The following HEATR5B variants were observed in gnomAD, a reference collection of about 807,000 sequenced individuals.
The protein encoded by HEATR5B is HEAT repeat containing 5B.
HEATR5B carries 156 observed loss-of-function variants against 224.1 expected under a neutral mutation model. The observed-to-expected ratio is 0.70, with a 90% CI of 0.61 to 0.80. The LOEUF (loss-of-function observed/expected upper bound fraction) is 0.80. Among genes scored for constraint, HEATR5B ranks in the 30% least tolerant of loss-of-function variants. HEATR5B has a pLI of 0.00. For synonymous variants in HEATR5B, 1,027 were observed against 893.0 expected (o/e 1.15, Z -2.68); for missense variants, 2,323 against 2,535.5 (o/e 0.92, Z 1.80).
chr2:37,081,178 G>C (rs1672541374), intron 2 of HEATR5B, among the ~76,000 whole-genome samples: 1 of 152,146 alleles, frequency 6.6e-6, no homozygotes, highest in Admixed American at 6.5e-5. Flanking sequence ...GAGGATTTAA[G>C]AGAAAACAGA....
chr2:37,065,811 C>A lies in HEATR5B; in HGVS notation c.1277G>T (p.Ser426Ile), dbSNP rs1671553608. 6.2e-7 allele frequency: 1 copy of A among 1,614,024 alleles called. No individual in the cohort carries two copies. The highest frequency in any genetic ancestry group is 8.5e-7 in the Non-Finnish European group (1 of 1,179,918). The change falls in exon 9 of 36, where the codon AGC (serine) becomes ATC (isoleucine). Residue 426 changes from serine to isoleucine, a missense_variant. Physicochemically the swap from Ser to Ile is moderately radical, Grantham distance 142. Transcript: ENST00000233099. Reference protein sequence around the residue: ...VMVCALQELGSLVQSLNATAS... With the variant: ...VMVCALQELGILVQSLNATAS... ...GGTGGCATTCAAGCTCTGCACCAGG[C>A]TCCCGAGTTCCTGGAGGGCACAGAC... is the stretch of plus-strand genomic sequence containing the variant.
intron 27 of HEATR5B, among the ~76,000 whole-genome samples, chr2:37,013,442 C>T (rs571029205): frequency 1.2e-4 from 19 of 152,302 alleles, no homozygotes; most frequent in African/African-American, 2.6e-4. Context: ...CCCAGCTACG[C>T]GGATGGCTGC....
At position 37,056,559 on chromosome 2, in the gene HEATR5B, A is replaced by T. The variant is rs1670924513; in HGVS notation, c.2280T>A (p.Ile760=). The T allele has an allele frequency of 5.6e-6, 9 of 1,613,334 alleles. No individual in the cohort carries two copies. The highest frequency in any genetic ancestry group is 1.7e-5 in the Admixed American group (1 of 59,918). Residue 760 remains isoleucine (I), a synonymous_variant, in exon 16 of 36, where the codon ATT becomes ATA. Coordinates refer to ENST00000233099, the MANE Select transcript of HEATR5B (RefSeq NM_019024.3). ...SGALEHDPSS[I]YLRIPAGEAV... is the part of the protein sequence containing the mutation. ...CTTCTCCAGCAGGTATGCGTAAATA[A>T]ATAGAGGAAGGATCATGCTCCAGAG...
intron 35 of HEATR5B, among the ~76,000 whole-genome samples, chr2:36,986,004 C>G (rs892981015): frequency 2.6e-5 from 4 of 152,074 alleles, no homozygotes; most frequent in Admixed American, 1.3e-4. Flanking sequence ...CCTTCCCTAT[C>G]TGTCCTCATG....
chr2:37,025,696 A>C (rs1249261431), intron 24 of HEATR5B, among the ~76,000 whole-genome samples: 1 of 152,182 alleles, frequency 6.6e-6, no homozygotes, highest in Non-Finnish European at 1.5e-5. Flanking sequence ...GATCTCTGAG[A>C]ACTAAGGTAA....
intron 33 of HEATR5B, among the ~76,000 whole-genome samples, chr2:36,997,093 A>G (rs1666770329): frequency 6.6e-6 from 1 of 151,154 alleles, no homozygotes; most frequent in East Asian, 1.9e-4. Flanking sequence ...TGATATCAAC[A>G]CAGACATAAA....
chr2:37,025,723 G>C (rs978176662), intron 24 of HEATR5B, among the ~76,000 whole-genome samples: 1 of 152,150 alleles, frequency 6.6e-6, no homozygotes, highest in African/African-American at 2.4e-5. Flanking sequence ...AAGACACAAT[G>C]AGGAAGAAAA....
In HEATR5B at chr2:37,041,124, A is replaced by C; in HGVS notation, c.2856+9T>G. The stretch of plus-strand genomic sequence containing the variant: ...AACTTTTGTAATAAAAAAACCAATT[A>C]TATTATACCTGGACTTCAGGGGATG... On this transcript the variant is annotated intron_variant, in intron 19 of 35. Coordinates refer to ENST00000233099, the MANE Select transcript of HEATR5B (RefSeq NM_019024.3). 6.2e-7 allele frequency: 1 copy of C among 1,603,272 alleles called. No individual in the cohort carries two copies. Among genetic ancestry groups the C allele is most frequent in the Non-Finnish European group, 8.5e-7 (1 of 1,176,166 alleles).
chr2:36,984,449 T>G (rs554173588), intron 35 of HEATR5B, among the ~76,000 whole-genome samples: 1 of 151,486 alleles, frequency 6.6e-6, no homozygotes, highest in Non-Finnish European at 1.5e-5. Context: ...ATCACAAAAC[T>G]GAGGAATACT....
chr2:37,060,265 T>C (rs1325836910), intron 12 of HEATR5B, among the ~76,000 whole-genome samples: 2 of 152,134 alleles, frequency 1.3e-5, no homozygotes, highest in Admixed American at 1.3e-4. Context: ...GTTGGGTATT[T>C]TTTCTTTTTT....
chr2:36,991,468 C>T (rs188103298), intron 33 of HEATR5B, among the ~76,000 whole-genome samples: 1 of 146,440 alleles, frequency 6.8e-6, no homozygotes, highest in African/African-American at 2.5e-5. Flanking sequence ...GCACTCCAGC[C>T]TGGGCAACAA....
chr2:37,030,266 A>G lies in HEATR5B; in HGVS notation c.3362-1346T>C, dbSNP rs964898792. ...AATAGCCATAGTGAGTGACATTCTA[A>G]AACAATAGAAAAAGTTAAATGAAAG... On this transcript the variant is annotated intron_variant, in intron 22 of 35. Coordinates refer to ENST00000233099, the MANE Select transcript of HEATR5B (RefSeq NM_019024.3). Among the ~76,000 whole-genome samples the G allele has an allele frequency of 3.9e-5, 6 of 152,254 alleles. No homozygotes were observed. In the East Asian group the frequency reaches 1.2e-3, roughly 29 times the overall value.
chr2:37,006,162 T>C (rs1472033849), intron 29 of HEATR5B, among the ~76,000 whole-genome samples: 1 of 152,174 alleles, frequency 6.6e-6, no homozygotes, highest in African/African-American at 2.4e-5. Context: ...AGAGGCACAA[T>C]GGGTATCATA....
chr2:36,992,408 C>T (rs1417776380), intron 33 of HEATR5B, among the ~76,000 whole-genome samples: 1 of 152,018 alleles, frequency 6.6e-6, no homozygotes, highest in African/African-American at 2.4e-5. Flanking sequence ...TGCTGAGACC[C>T]TGTCTCTACA....
Position 37,037,967 on chromosome 2 carries a change from G to A in HEATR5B, c.3104C>T (p.Thr1035Ile). ...RSSCLVGCAI[T>I]QDHSDSLVQA... ...AACAAGAGAATCTGAATGGTCTTGT[G>A]TTATTGCACAACCCACCAAACAAGA... Residue 1035 changes from threonine (T) to isoleucine (I), a missense_variant, in exon 21 of 36, where the codon ACA becomes ATA. Thr to Ile is a moderately conservative substitution (Grantham distance 89). Transcript: ENST00000233099. The A allele has an allele frequency of 6.3e-7, 1 of 1,598,954 alleles. No individual in the cohort carries two copies. Among genetic ancestry groups the A allele is most frequent in the Non-Finnish European group, 8.5e-7 (1 of 1,170,492 alleles).
chr2:37,083,184 A>C, intron 2 of HEATR5B, 105 bp downstream of exon 2: 1 of 1,288,500 alleles, frequency 7.8e-7, no homozygotes, highest in Non-Finnish European at 1.1e-6. Flanking sequence ...CAAGTTCCAT[A>C]AGTGACCCAT....
chr2:37,058,947 A>C lies in HEATR5B; in HGVS notation c.1890T>G (p.Thr630=). Residue 630 remains threonine (T), a synonymous_variant, in exon 13 of 36, where the codon ACT becomes ACG. Coordinates refer to ENST00000233099, the MANE Select transcript of HEATR5B (RefSeq NM_019024.3). Reference sequence around the variant, plus strand: ...TCATCAATTTTCGAATCACATCTTCAGTTAGTAGCTCAGGACAATGTGCAA... The same window carrying C: ...TCATCAATTTTCGAATCACATCTTCCGTTAGTAGCTCAGGACAATGTGCAA... ...SFVAHCPELL[T]EDVIRKLMTP... 6.2e-7 allele frequency: 1 copy of C among 1,611,400 alleles called. No individual in the cohort carries two copies. Among genetic ancestry groups the C allele is most frequent in the Non-Finnish European group, 8.5e-7 (1 of 1,178,318 alleles).
At chr2:36,990,839 C>T (rs1431652531) in intron 33 of HEATR5B, 40 bp from the exon 34 acceptor site, 2 of 1,488,132 alleles carry the variant, frequency 1.3e-6, no homozygotes, top group East Asian at 2.4e-5. Flanking sequence ...GTTTCTAAAA[C>T]ATTTTGGCAT....
Position 36,996,036 on chromosome 2 carries a change from T to C in HEATR5B, c.5545+4550A>G, listed in dbSNP as rs563686209. On this transcript the variant is annotated intron_variant, in intron 33 of 35. Transcript: ENST00000233099. ...GAGTAGCTGGGACCACAGGCACACG[T>C]CACTGCGCTCAACTAAATAATGCAA... Among the ~76,000 whole-genome samples the C allele has an allele frequency of 2.0e-5, 3 of 150,484 alleles. No homozygotes were observed. The South Asian group carries it at 6.3e-4, about 32-fold the overall frequency.
Sources: allele counts gnomAD v4.1 joint callset (sites outside exome capture counted in the v4.1 genomes callset), GRCh38; gene constraint gnomAD v4.1.1; transcripts MANE v1.5; gene names NCBI Gene and HGNC (gene_info 2026-07-23, HGNC 2026-07-21).